The following CNTLN variants were observed in gnomAD, a reference collection of about 807,000 sequenced individuals.
CNTLN encodes centlein, centrosomal protein.
A neutral mutation model predicts 180.0 loss-of-function variants in CNTLN; 212 were observed. The observed-to-expected ratio is 1.18, with a 90% CI of 1.05 to 1.32. The LOEUF is 1.32. Among genes scored for constraint, CNTLN ranks in the 40% most tolerant of loss-of-function variants. CNTLN has a pLI of 0.00. For synonymous variants in CNTLN, 722 were observed against 563.1 expected (o/e 1.28, Z -3.99); for missense variants, 2,095 against 1,610.9 (o/e 1.30, Z -5.14).
At chr9:17,414,036 G>A (rs1252261663) in intron 16 of CNTLN, among the ~76,000 whole-genome samples, 3 of 152,154 alleles carry the variant, frequency 2.0e-5, no homozygotes, top group Non-Finnish European at 4.4e-5. Flanking sequence ...CAATAAAAAG[G>A]AGCTAACTAT....
chr9:17,247,639 G>C (rs1300782863), intron 5 of CNTLN, among the ~76,000 whole-genome samples: 1 of 152,068 alleles, frequency 6.6e-6, no homozygotes, highest in Non-Finnish European at 1.5e-5. Context: ...GTACTTTTTT[G>C]TGTGTGGATA....
At chr9:17,149,012 C>T (rs143697697) in intron 2 of CNTLN, among the ~76,000 whole-genome samples, 1 of 152,116 alleles carries the variant, frequency 6.6e-6, no homozygotes. Flanking sequence ...GCTCCCCTCC[C>T]TGTGTCCATG....
intron 23 of CNTLN, among the ~76,000 whole-genome samples, chr9:17,469,743 T>A (rs1487863545): frequency 1.3e-5 from 2 of 151,676 alleles, no homozygotes; most frequent in African/African-American, 4.8e-5. Flanking sequence ...TGCCTTCCCC[T>A]CTTTGTTCTC....
chr9:17,181,279 T>G (rs1380012474), intron 2 of CNTLN, among the ~76,000 whole-genome samples: 1 of 152,238 alleles, frequency 6.6e-6, no homozygotes. Context: ...TGCTTTTCAC[T>G]GATTCTTTCC....
intron 13 of CNTLN, among the ~76,000 whole-genome samples, chr9:17,384,538 C>T (rs1434413665): frequency 6.6e-6 from 1 of 152,074 alleles, no homozygotes; most frequent in Non-Finnish European, 1.5e-5. Flanking sequence ...GATTGAAATT[C>T]TCTCCTACTC....
intron 5 of CNTLN, among the ~76,000 whole-genome samples, chr9:17,257,005 T>C (rs897087692): frequency 6.6e-6 from 1 of 152,186 alleles, no homozygotes; most frequent in Admixed American, 6.5e-5. Context: ...CTTTAAGTTT[T>C]AGGGTACATG....
chr9:17,245,615 C>A (rs1203113088), intron 5 of CNTLN, among the ~76,000 whole-genome samples: 2 of 151,940 alleles, frequency 1.3e-5, no homozygotes, highest in Admixed American at 6.6e-5. Flanking sequence ...CTGATATTAT[C>A]CCTTTGAATA....
At position 17,298,245 on chromosome 9, in the gene CNTLN, C is replaced by G. The variant is rs760751354; in HGVS notation, c.1039C>G (p.Gln347Glu). Residue 347 changes from glutamine (Q) to glutamate (E), a missense_variant, in exon 7 of 26, where the codon CAG becomes GAG. By Grantham distance (29) the Gln-to-Glu change is conservative. Coordinates refer to ENST00000380647, the MANE Select transcript of CNTLN (RefSeq NM_017738.4). ...CAAACAGAACAGTACACATACAGCC[C>G]AGCAAGCAGAGCTGATCCAGCAGCT... ...LYKQNSTHTA[Q>E]QAELIQQLQV... 1.2e-6 allele frequency: 2 copies of G among 1,611,804 alleles called. No homozygotes were observed. The highest frequency in any genetic ancestry group is 1.7e-6 in the Non-Finnish European group (2 of 1,179,224).
chr9:17,454,268 T>G (rs1830981615), intron 18 of CNTLN, among the ~76,000 whole-genome samples: 1 of 152,242 alleles, frequency 6.6e-6, no homozygotes, highest in Non-Finnish European at 1.5e-5. Context: ...TTTATAGTGT[T>G]AAGTTCTATT....
At chr9:17,377,049 C>G (rs944772150) in intron 13 of CNTLN, among the ~76,000 whole-genome samples, 6 of 152,038 alleles carry the variant, frequency 3.9e-5, no homozygotes, top group African/African-American at 1.4e-4. Context: ...TTTGTTTCCT[C>G]CTCATCTTGA....
At chr9:17,502,258 G>T (rs935987864) in intron 25 of CNTLN, among the ~76,000 whole-genome samples, 1 of 152,158 alleles carries the variant, frequency 6.6e-6, no homozygotes, top group Non-Finnish European at 1.5e-5. Flanking sequence ...GAAGATAAAT[G>T]GCTTAGCTGC....
intron 5 of CNTLN, among the ~76,000 whole-genome samples, chr9:17,240,409 A>T (rs564339093): frequency 6.6e-6 from 1 of 152,222 alleles, no homozygotes; most frequent in East Asian, 1.9e-4. Context: ...GCAAGTAGAC[A>T]TAGTTTCACT....
In CNTLN at chr9:17,330,658, C is replaced by T; in HGVS notation, c.1368C>T (p.Ser456=). The stretch of plus-strand genomic sequence containing the variant: ...TACCTCATCGCCCATCCTTATCAAG[C>T]TTAGAAACGTTAATGGTTTCACAGA... ...AQVPHRPSLS[S]LETLMVSQKS... Residue 456 remains serine (S), a synonymous_variant, in exon 9 of 26, where the codon AGC becomes AGT. Transcript: ENST00000380647. 6.2e-7 allele frequency: 1 copy of T among 1,604,796 alleles called. No homozygotes were observed. Among genetic ancestry groups the T allele is most frequent in the Non-Finnish European group, 8.5e-7 (1 of 1,175,420 alleles).
At chr9:17,187,200 A>T (rs770701641) in intron 2 of CNTLN, among the ~76,000 whole-genome samples, 2 of 152,094 alleles carry the variant, frequency 1.3e-5, no homozygotes, top group African/African-American at 4.8e-5. Flanking sequence ...TCTAATTATT[A>T]TAAATTTCCT....
intron 1 of CNTLN, among the ~76,000 whole-genome samples, chr9:17,139,270 T>G (rs1817923639): frequency 6.6e-6 from 1 of 151,856 alleles, no homozygotes; most frequent in Non-Finnish European, 1.5e-5. Flanking sequence ...GTATTTTTAG[T>G]AGAGACGGGG....
At chr9:17,516,332 G>C in the CNTLN span, among the ~76,000 whole-genome samples, 1 of 152,158 alleles carries the variant, frequency 6.6e-6, no homozygotes, top group African/African-American at 2.4e-5. Flanking sequence ...GAATAACTTT[G>C]CTCACCCATT....
At chr9:17,324,839 T>G (rs1820155696) in intron 8 of CNTLN, among the ~76,000 whole-genome samples, 1 of 152,104 alleles carries the variant, frequency 6.6e-6, no homozygotes. Flanking sequence ...ACTGACTTGT[T>G]TATTACTGAA....
intron 15 of CNTLN, among the ~76,000 whole-genome samples, chr9:17,405,544 T>C (rs1234903573): frequency 2.0e-5 from 3 of 151,618 alleles, no homozygotes; most frequent in East Asian, 3.9e-4. Flanking sequence ...CTCACTCCCA[T>C]GATAACATTA....
chr9:17,235,630 C>T (rs1825094933), intron 3 of CNTLN, 28 bp from the exon 4 acceptor site: 1 of 1,436,642 alleles, frequency 7.0e-7, no homozygotes, highest in Non-Finnish European at 9.1e-7. Context: ...AATAAAAGCT[C>T]ACCAGTAATT....
Sources: allele counts gnomAD v4.1 joint callset (sites outside exome capture counted in the v4.1 genomes callset), GRCh38; gene constraint gnomAD v4.1.1; transcripts MANE v1.5; gene names NCBI Gene and HGNC (gene_info 2026-07-23, HGNC 2026-07-21).